The following PRR16 variants were observed in gnomAD, a reference collection of about 807,000 sequenced individuals.
PRR16 encodes proline rich 16, also known as protein Largen.
Under a neutral mutation model 18.2 loss-of-function variants are expected in PRR16, and 6 were observed. That is an observed-to-expected ratio of 0.33 (90% CI 0.18 to 0.65). PRR16 has a LOEUF of 0.65. Ranked by LOEUF, PRR16 falls within the 30% of genes least tolerant of loss-of-function variation. The probability of loss-of-function intolerance (pLI) is 0.74; values close to 1 mark genes in which losing one functional copy is unlikely to be tolerated. For synonymous variants in PRR16, 151 were observed against 147.8 expected (o/e 1.02, Z -0.16); for missense variants, 412 against 376.6 (o/e 1.09, Z -0.78).
chr5:120,512,809 G>T (rs1020598392), intron 1 of PRR16, among the ~76,000 whole-genome samples: 10 of 152,102 alleles, frequency 6.6e-5, no homozygotes, highest in Admixed American at 4.6e-4. Context: ...CTTTACTGGG[G>T]AGGGAAAGCA....
chr5:120,765,312 T>C, the PRR16 span, among the ~76,000 whole-genome samples: 1 of 152,028 alleles, frequency 6.6e-6, no homozygotes, highest in Admixed American at 6.6e-5. Flanking sequence ...TGTATCTTAG[T>C]CTGTTTTTGA....
At chr5:120,582,487 TA>T (rs1554085217) in intron 1 of PRR16, among the ~76,000 whole-genome samples, 1 of 151,666 alleles carries the variant, frequency 6.6e-6, no homozygotes, top group Non-Finnish European at 1.5e-5. Context: ...TTATTTTTTT[TA>T]AAAAAATAGA....
intron 1 of PRR16, among the ~76,000 whole-genome samples, chr5:120,677,352 G>A (rs1477965369): frequency 6.6e-6 from 1 of 152,148 alleles, no homozygotes; most frequent in Non-Finnish European, 1.5e-5. Flanking sequence ...CCAGAGGAGG[G>A]TATGTCACTT....
In PRR16 at chr5:120,464,337, G is replaced by T. The variant is rs547131796; in HGVS notation, c.-150G>T. ...CACCACTGTGCGGCCGCCCGGCCGAGCGCGGAGCGCAGCCACTCGCCGCTG... is the reference window on the plus strand; with the variant it reads ...CACCACTGTGCGGCCGCCCGGCCGATCGCGGAGCGCAGCCACTCGCCGCTG... On this transcript the variant is annotated 5_prime_UTR_variant, in exon 1 of 2. Transcript: ENST00000407149. 1.7e-5 allele frequency: 14 copies of T among 815,868 alleles called. No individual in the cohort carries two copies. The African/African-American group carries it at 2.0e-4, about 12-fold the overall frequency. 50.5% of individuals were successfully genotyped at this position (815,868 alleles called of 1,614,324 possible). A position where few individuals can be genotyped will look rare whatever the true frequency, so the allele number is the denominator to read the frequency against.
the PRR16 span, among the ~76,000 whole-genome samples, chr5:120,714,288 TAAAG>T: frequency 2.6e-4 from 40 of 152,312 alleles, 1 homozygote; most frequent in East Asian, 6.2e-3. Context: ...AATATTCTGA[TAAAG>T]AAGGTATTGT....
chr5:120,611,332 C>T lies in PRR16; in HGVS notation c.160-74622C>T, dbSNP rs540223469. Reference sequence around the variant, plus strand: ...CAAGCCAGCTGCAGAAATCTGCATACGTAACAAGGAGCCTAATGTTAATCC... The same window carrying T: ...CAAGCCAGCTGCAGAAATCTGCATATGTAACAAGGAGCCTAATGTTAATCC... On this transcript the variant is annotated intron_variant, in intron 1 of 1. Coordinates refer to ENST00000407149, the MANE Select transcript of PRR16 (RefSeq NM_001300783.2). Among the ~76,000 whole-genome samples the T allele has an allele frequency of 2.0e-4, 31 of 152,280 alleles. 2 individuals carry two copies. In the South Asian group the frequency reaches 4.8e-3, roughly 23 times the overall value.
At chr5:120,718,855 A>C in the PRR16 span, among the ~76,000 whole-genome samples, 1 of 152,076 alleles carries the variant, frequency 6.6e-6, no homozygotes, top group Non-Finnish European at 1.5e-5. Flanking sequence ...TGGGGAACTA[A>C]TGAAACAGTA....
At chr5:120,681,088 C>G (rs887952800) in intron 1 of PRR16, among the ~76,000 whole-genome samples, 17 of 152,040 alleles carry the variant, frequency 1.1e-4, no homozygotes, top group Non-Finnish European at 1.9e-4. Flanking sequence ...CTCTTTTTGG[C>G]AGCAATCACT....
intron 1 of PRR16, among the ~76,000 whole-genome samples, chr5:120,627,825 T>C (rs1475149803): frequency 6.6e-6 from 1 of 152,118 alleles, no homozygotes; most frequent in Non-Finnish European, 1.5e-5. Flanking sequence ...GTCCATTTCT[T>C]ATGGACTCAA....
At chr5:120,673,337 C>A (rs1366320817) in intron 1 of PRR16, among the ~76,000 whole-genome samples, 2 of 152,170 alleles carry the variant, frequency 1.3e-5, no homozygotes, top group Non-Finnish European at 2.9e-5. Context: ...CTACGTATTT[C>A]AAGTGCAGCT....
intron 1 of PRR16, among the ~76,000 whole-genome samples, chr5:120,652,548 C>T (rs1755828056): frequency 6.6e-6 from 1 of 152,016 alleles, no homozygotes; most frequent in Admixed American, 6.6e-5. Context: ...CGTTTTCCCT[C>T]TGTGGTCTTC....
the PRR16 span, among the ~76,000 whole-genome samples, chr5:120,766,538 TTCATTA>T: frequency 6.6e-6 from 1 of 151,964 alleles, no homozygotes; most frequent in Non-Finnish European, 1.5e-5. Context: ...GGGTTATGTT[TTCATTA>T]TCAAAGTGGT....
At chr5:120,630,948 G>A (rs1449809462) in intron 1 of PRR16, among the ~76,000 whole-genome samples, 1 of 152,048 alleles carries the variant, frequency 6.6e-6, no homozygotes, top group African/African-American at 2.4e-5. Flanking sequence ...ATAAATATAA[G>A]TCTCCCAGAA....
At chr5:120,486,706 C>A (rs1413194420) in intron 1 of PRR16, among the ~76,000 whole-genome samples, 1 of 152,276 alleles carries the variant, frequency 6.6e-6, no homozygotes, top group South Asian at 2.1e-4. Flanking sequence ...GTGTTTTAGA[C>A]ATGAAGTCCT....
At chr5:120,754,137 T>TAATAAATAATATATA in the PRR16 span, among the ~76,000 whole-genome samples, 1 of 100,436 alleles carries the variant, frequency 1.0e-5, no homozygotes, top group Non-Finnish European at 1.9e-5. Flanking sequence ...ATATTCCGCT[T>TAATAAATAATATATA]AATATATAAT....
the PRR16 span, among the ~76,000 whole-genome samples, chr5:120,754,484 T>A: frequency 1.4e-5 from 1 of 70,206 alleles, no homozygotes; most frequent in Admixed American, 2.4e-4. Context: ...TATTATATAA[T>A]ATATAGTATG....
At chr5:120,775,941 C>A in the PRR16 span, among the ~76,000 whole-genome samples, 1 of 151,792 alleles carries the variant, frequency 6.6e-6, no homozygotes, top group African/African-American at 2.4e-5. Context: ...AGCCACCATG[C>A]CTGGCCTAAA....
At chr5:120,778,605 C>A in the PRR16 span, among the ~76,000 whole-genome samples, 1 of 152,096 alleles carries the variant, frequency 6.6e-6, no homozygotes, top group African/African-American at 2.4e-5. Context: ...AGGAAAATCC[C>A]AGATTCCTTT....
the PRR16 span, among the ~76,000 whole-genome samples, chr5:120,785,569 G>GTTTTT: frequency 7.0e-5 from 7 of 99,652 alleles, no homozygotes; most frequent in African/African-American, 2.3e-4. Flanking sequence ...GTGTTTTGTT[G>GTTTTT]TTGTTGTTTT....
Sources: allele counts gnomAD v4.1 joint callset (sites outside exome capture counted in the v4.1 genomes callset), GRCh38; gene constraint gnomAD v4.1.1; transcripts MANE v1.5; gene names NCBI Gene and HGNC (gene_info 2026-07-23, HGNC 2026-07-21).